Variants in MEGF6 observed in about 807,000 individuals in gnomAD.
MEGF6 encodes the protein multiple EGF like domains 6, also known as multiple epidermal growth factor-like domains protein 6.
In MEGF6, 184 loss-of-function variants were observed where a neutral mutation model predicts 207.1. The ratio of observed to expected loss-of-function variants is 0.89; its 90% CI spans 0.79 to 1.00. The LOEUF (loss-of-function observed/expected upper bound fraction) is 1.00, where lower values mean the gene tolerates loss of function less well. Among genes scored for constraint, MEGF6 ranks in the 50% least tolerant of loss-of-function variants. MEGF6 has a pLI of 0.00. For synonymous variants in MEGF6, 1,038 were observed against 910.0 expected (o/e 1.14, Z -2.53); for missense variants, 2,282 against 2,202.9 (o/e 1.04, Z -0.72).
intron 3 of MEGF6, among the ~76,000 whole-genome samples, chr1:3,582,324 C>T (rs568535279): frequency 3.8e-4 from 58 of 152,302 alleles, no homozygotes; most frequent in African/African-American, 1.4e-3. Flanking sequence ...AGCAGCTCAC[C>T]GAGCGGCTCA....
intron 13 of MEGF6, among the ~76,000 whole-genome samples, chr1:3,508,148 C>T (rs1170323221): frequency 1.3e-5 from 2 of 152,156 alleles, no homozygotes; most frequent in African/African-American, 4.8e-5. Flanking sequence ...TCTGAACCAG[C>T]TCTTTCAAAC....
At chr1:3,531,372 C>G in intron 4 of MEGF6, 1 of 1,180,720 alleles carries the variant, frequency 8.5e-7, no homozygotes, top group Non-Finnish European at 1.0e-6. Context: ...AATCCCAGCC[C>G]CGGGATCCGC....
intron 5 of MEGF6, among the ~76,000 whole-genome samples, chr1:3,519,135 C>T (rs966068362): frequency 1.5e-4 from 23 of 152,182 alleles, no homozygotes; most frequent in African/African-American, 4.8e-4. Flanking sequence ...CTAAGCTGAC[C>T]CCACAACCCA....
At chr1:3,619,952 T>C in the MEGF6 span, among the ~76,000 whole-genome samples, 1 of 152,214 alleles carries the variant, frequency 6.6e-6, no homozygotes, top group Admixed American at 6.5e-5. Context: ...ACCGAAATGC[T>C]GATAGTGATA....
At chr1:3,586,994 T>C (rs1163024789) in intron 3 of MEGF6, among the ~76,000 whole-genome samples, 1 of 152,182 alleles carries the variant, frequency 6.6e-6, no homozygotes, top group Non-Finnish European at 1.5e-5. Context: ...CCCACCTGTG[T>C]GCAAGGAGGA....
At position 3,515,549 on chromosome 1, in the gene MEGF6, C is replaced by T. The variant is rs746301985; in HGVS notation, c.605-22G>A. ...ATGGCTGGGGACACAGGGAGGACCCCAAGTCAGCCCAAGAGGATGCCTGGC... is the reference window on the plus strand; with the variant it reads ...ATGGCTGGGGACACAGGGAGGACCCTAAGTCAGCCCAAGAGGATGCCTGGC... On this transcript the variant is annotated intron_variant, in intron 5 of 36. Coordinates refer to ENST00000356575, the MANE Select transcript of MEGF6 (RefSeq NM_001409.4). 2.5e-6 allele frequency: 4 copies of T among 1,607,414 alleles called. No individual in the cohort carries two copies. The Admixed American group carries it at 5.0e-5, about 20-fold the overall frequency.
intron 4 of MEGF6, among the ~76,000 whole-genome samples, chr1:3,566,608 G>A (rs999741176): frequency 7.9e-5 from 12 of 152,202 alleles, no homozygotes; most frequent in East Asian, 1.9e-4. Flanking sequence ...CCAGCCGCTC[G>A]GCCCATCAGA....
chr1:3,624,474 C>A, the MEGF6 span: 3 of 152,292 alleles, frequency 2.0e-5, no homozygotes, highest in African/African-American at 7.2e-5. Flanking sequence ...ACGAATAAGC[C>A]GTGTGTGAAG....
rs888011803 is a variant in MEGF6, at chr1:3,556,792, C to T, written c.481+23033G>A. 6.6e-6 allele frequency among the ~76,000 whole-genome samples: 1 copy of T among 152,206 alleles called. No individual in the cohort carries two copies. The highest frequency in any genetic ancestry group is 1.5e-5 in the Non-Finnish European group (1 of 68,048). ...ATGCAGGTACTTCACGTCCCTGTCC[C>T]AACCACACGCGCTCACAGACCGGAG... is the stretch of plus-strand genomic sequence containing the variant. On this transcript the variant is annotated intron_variant, in intron 4 of 36. Transcript: ENST00000356575. This position sits in a 1 kb window ranked among gnomAD's most constrained non-coding sequence, Gnocchi z 4.4.
Position 3,611,378 on chromosome 1 carries a change from C to T in MEGF6, c.-110G>A. On this transcript the variant is annotated 5_prime_UTR_variant, in exon 1 of 37. Transcript: ENST00000356575. ...GGACGCAGCCACAGGTGCCCGCGCC[C>T]GCTCCGCGGAGCCCAAGGTCGCTGC... 7.6e-7 allele frequency: 1 copy of T among 1,313,608 alleles called. No homozygotes were observed. 81.4% of individuals were successfully genotyped at this position (1,313,608 alleles called of 1,614,324 possible). A position where few individuals can be genotyped will look rare whatever the true frequency, so the allele number is the denominator to read the frequency against.
chr1:3,566,193 C>T (rs1643339049), intron 4 of MEGF6, among the ~76,000 whole-genome samples: 1 of 152,240 alleles, frequency 6.6e-6, no homozygotes. Flanking sequence ...TGCCCAGGCC[C>T]CCGGCTTGAC....
intron 4 of MEGF6, among the ~76,000 whole-genome samples, chr1:3,578,703 A>G (rs1296379416): frequency 9.9e-6 from 1 of 101,300 alleles, no homozygotes; most frequent in Non-Finnish European, 2.5e-5. Flanking sequence ...TCCAGCACCA[A>G]CTGTCCGCCT....
chr1:3,580,247 T>C (rs1479796321), intron 3 of MEGF6, among the ~76,000 whole-genome samples: 2 of 14,874 alleles, frequency 1.3e-4, no homozygotes, highest in East Asian at 3.4e-3. Context: ...CTGAGAGGGG[T>C]GGGAGGAGGG....
intron 4 of MEGF6, among the ~76,000 whole-genome samples, chr1:3,538,736 G>A (rs1262532576): frequency 2.3e-5 from 3 of 128,890 alleles, no homozygotes; most frequent in Non-Finnish European, 5.4e-5. Flanking sequence ...GTGTGTGTGT[G>A]TGTGTGTGTC....
At chr1:3,602,281 G>A (rs1317511820) in intron 2 of MEGF6, among the ~76,000 whole-genome samples, 185 bp downstream of exon 2, 1 of 152,230 alleles carries the variant, frequency 6.6e-6, no homozygotes, top group Admixed American at 6.5e-5. Flanking sequence ...CATGTGAGTA[G>A]CCCCATGGCA....
At chr1:3,532,320 C>T (rs1407321230) in intron 4 of MEGF6, among the ~76,000 whole-genome samples, 1 of 152,254 alleles carries the variant, frequency 6.6e-6, no homozygotes, top group Admixed American at 6.5e-5. Flanking sequence ...GCCCCCCATC[C>T]TCTCTGAGCC....
At position 3,497,129 on chromosome 1, in the gene MEGF6, G is replaced by T; in HGVS notation, c.3482-10C>A. 1 of 1,571,518 alleles carries T rather than the reference G, an allele frequency of 6.4e-7. No individual in the cohort carries two copies. Among genetic ancestry groups the T allele is most frequent in the South Asian group, 1.2e-5 (1 of 86,686 alleles). On this transcript the variant is annotated splice_polypyrimidine_tract_variant and intron_variant, in intron 27 of 36. Coordinates refer to ENST00000356575, the MANE Select transcript of MEGF6 (RefSeq NM_001409.4). ...CTGCCGGGTGGGCAGGCTGGGTGGA[G>T]ACAGGCAGGGTCGGTCCTGGCCCAG...
At chr1:3,520,167 G>A (rs1366417651) in intron 5 of MEGF6, among the ~76,000 whole-genome samples, 1 of 152,234 alleles carries the variant, frequency 6.6e-6, no homozygotes, top group Admixed American at 6.5e-5. Context: ...CCCTCAGACA[G>A]GGCCCAGGAG....
chr1:3,503,745 C>G (rs1640996160), intron 17 of MEGF6, among the ~76,000 whole-genome samples: 2 of 134,116 alleles, frequency 1.5e-5, no homozygotes, highest in Admixed American at 7.7e-5. Context: ...TGTGTGTACA[C>G]GTTTGGGGGT....
Sources: gnomAD v4.1 joint callset for allele counts (sites outside exome capture counted in the v4.1 genomes callset) on GRCh38, gnomAD v4.1.1 for gene constraint, Gnocchi (gnomAD v3.1) non-coding constraint, MANE v1.5 for transcripts, NCBI Gene and HGNC (gene_info 2026-07-23, HGNC 2026-07-21) for gene names.